ZNF599: variants seen among roughly 807,000 people sequenced by gnomAD.
The protein encoded by ZNF599 is zinc finger protein 599.
Under a neutral mutation model 11.7 loss-of-function variants are expected in ZNF599, and 10 were observed. The ratio of observed to expected loss-of-function variants is 0.86; its 90% CI spans 0.53 to 1.45. ZNF599 has a LOEUF of 1.45. Among genes scored for constraint, ZNF599 ranks in the 40% most tolerant of loss-of-function variants. The pLI is 0.00. For synonymous variants in ZNF599, 232 were observed against 253.2 expected (o/e 0.92, Z 0.79); for missense variants, 688 against 713.6 (o/e 0.96, Z 0.41).
At chr19:34,784,029 C>G in the ZNF599 span, among the ~76,000 whole-genome samples, 2 of 152,190 alleles carry the variant, frequency 1.3e-5, no homozygotes, top group African/African-American at 4.8e-5. Flanking sequence ...TATTCATCTC[C>G]CAGGGTTGCT....
intron 3 of ZNF599, among the ~76,000 whole-genome samples, chr19:34,760,936 A>C (rs1025727543): frequency 6.6e-6 from 1 of 152,202 alleles, no homozygotes; most frequent in Non-Finnish European, 1.5e-5. Flanking sequence ...GATGAGAGAC[A>C]GAGAGGGATC....
chr19:34,804,010 C>A, the ZNF599 span, among the ~76,000 whole-genome samples: 1 of 152,220 alleles, frequency 6.6e-6, no homozygotes, highest in African/African-American at 2.4e-5. Context: ...CAGACAGAAT[C>A]TAGTACTTCC....
chr19:34,798,832 G>C, the ZNF599 span, among the ~76,000 whole-genome samples: 2 of 152,098 alleles, frequency 1.3e-5, no homozygotes, highest in African/African-American at 4.8e-5. Context: ...TGTTGGACAG[G>C]TCTATGAGTT....
At position 34,769,410 on chromosome 19, in the gene ZNF599, G is replaced by A. The variant is rs2069167299; in HGVS notation, c.145+19C>T. ...AAGAGGCTGTGGGTCCCCTACATGG[G>A]AGGGTAATGAGGTCTTACCCAGTGA... is the stretch of plus-strand genomic sequence containing the variant. On this transcript the variant is annotated intron_variant, in intron 2 of 3. Transcript: ENST00000329285. 1.9e-6 allele frequency: 3 copies of A among 1,613,940 alleles called. No individual in the cohort carries two copies. The highest frequency in any genetic ancestry group is 2.2e-5 in the South Asian group (2 of 91,080).
intron 3 of ZNF599, chr19:34,767,027 C>G: frequency 3.1e-6 from 1 of 321,310 alleles, no homozygotes; most frequent in Non-Finnish European, 5.7e-6. Context: ...ATTAACTCAG[C>G]CTAACTTATA....
chr19:34,777,989 G>C (rs961778716), upstream of ZNF599, among the ~76,000 whole-genome samples: 1 of 152,060 alleles, frequency 6.6e-6, no homozygotes, highest in African/African-American at 2.4e-5. Flanking sequence ...AGTAAAAGGG[G>C]GGGAGGGGAG....
At chr19:34,792,898 A>T in the ZNF599 span, among the ~76,000 whole-genome samples, 209 of 152,110 alleles carry the variant, frequency 1.4e-3, no homozygotes, top group African/African-American at 4.9e-3. Context: ...CGTGCTATGA[A>T]TCTCACAAAC....
At chr19:34,782,129 G>A in the ZNF599 span, among the ~76,000 whole-genome samples, 1 of 152,284 alleles carries the variant, frequency 6.6e-6, no homozygotes, top group East Asian at 1.9e-4. Context: ...ACCACCTCTT[G>A]TAATGGTTGT....
At chr19:34,782,144 G>T in the ZNF599 span, among the ~76,000 whole-genome samples, 4 of 152,178 alleles carry the variant, frequency 2.6e-5, no homozygotes, top group Non-Finnish European at 1.5e-5. Flanking sequence ...GGTTGTCATG[G>T]TGTCTGCTCT....
chr19:34,775,706 C>T (rs936904983), upstream of ZNF599, among the ~76,000 whole-genome samples: 13 of 152,136 alleles, frequency 8.5e-5, no homozygotes, highest in African/African-American at 2.4e-4. Context: ...TAACTTAGAC[C>T]AAACCAAAGT....
chr19:34,767,938 T>C (rs1483964999), intron 2 of ZNF599, among the ~76,000 whole-genome samples: 1 of 152,046 alleles, frequency 6.6e-6, no homozygotes, highest in Non-Finnish European at 1.5e-5. Context: ...TTAGGTAAAG[T>C]AAGAAATTAT....
chr19:34,790,600 G>A, the ZNF599 span, among the ~76,000 whole-genome samples: 3 of 152,150 alleles, frequency 2.0e-5, no homozygotes, highest in Non-Finnish European at 2.9e-5. Context: ...AAGGCCTGGG[G>A]GGAGGAGGAG....
chr19:34,778,348 G>T, the ZNF599 span, among the ~76,000 whole-genome samples: 1 of 151,168 alleles, frequency 6.6e-6, no homozygotes, highest in South Asian at 2.1e-4. Context: ...ATCAGAAAAA[G>T]AAAAGAAACA....
At chr19:34,798,247 G>A in the ZNF599 span, among the ~76,000 whole-genome samples, 1,885 of 152,268 alleles carry the variant, frequency 0.012, 22 homozygotes, top group African/African-American at 0.042. Flanking sequence ...AGATAAATGC[G>A]TTACAATCAA....
the ZNF599 span, among the ~76,000 whole-genome samples, chr19:34,783,950 C>T: frequency 1.3e-5 from 2 of 152,230 alleles, no homozygotes; most frequent in Admixed American, 1.3e-4. Context: ...CCACAATTCC[C>T]TCTGTACATG....
chr19:34,767,921 C>T (rs1376108902), intron 2 of ZNF599, among the ~76,000 whole-genome samples: 1 of 152,188 alleles, frequency 6.6e-6, no homozygotes, highest in East Asian at 1.9e-4. Context: ...CACCTCAGGG[C>T]TTCTCATTAG....
chr19:34,762,996 C>T (rs2069121225), intron 3 of ZNF599: 1 of 151,986 alleles, frequency 6.6e-6, no homozygotes, highest in African/African-American at 2.4e-5. Flanking sequence ...ACTCAAATTA[C>T]CAAAACGGAC....
At chr19:34,799,126 C>T in the ZNF599 span, among the ~76,000 whole-genome samples, 7 of 152,140 alleles carry the variant, frequency 4.6e-5, no homozygotes, top group Non-Finnish European at 7.3e-5. Context: ...CCTCAACCTC[C>T]GGAGTAGCTG....
upstream of ZNF599, among the ~76,000 whole-genome samples, chr19:34,775,048 C>A (rs2069211347): frequency 1.3e-5 from 2 of 152,288 alleles, no homozygotes; most frequent in South Asian, 4.1e-4. Context: ...ACACTGGCTC[C>A]CCCTTTGCCT....
Sources: gnomAD v4.1 joint callset for allele counts (sites outside exome capture counted in the v4.1 genomes callset) on GRCh38, gnomAD v4.1.1 for gene constraint, MANE v1.5 for transcripts, NCBI Gene and HGNC (gene_info 2026-07-23, HGNC 2026-07-21) for gene names.